Variants in RABGAP1L observed in about 807,000 individuals in gnomAD.
RABGAP1L encodes rab GTPase-activating protein 1-like.
RABGAP1L carries 63 observed loss-of-function variants against 137.7 expected under a neutral mutation model. That is an observed-to-expected ratio of 0.46 (90% CI 0.37 to 0.56). RABGAP1L has a LOEUF of 0.56. Among genes scored for constraint, RABGAP1L ranks in the 20% least tolerant of loss-of-function variants. The pLI, the probability that RABGAP1L is intolerant of heterozygous loss-of-function variation, is 0.00. For synonymous variants in RABGAP1L, 431 were observed against 433.7 expected (o/e 0.99, Z 0.08); for missense variants, 1,095 against 1,244.0 (o/e 0.88, Z 1.80).
At chr1:174,899,716 A>T (rs1340198275) in intron 19 of RABGAP1L, among the ~76,000 whole-genome samples, 1 of 152,190 alleles carries the variant, frequency 6.6e-6, no homozygotes, top group Non-Finnish European at 1.5e-5. Flanking sequence ...TGGAGAAGGC[A>T]TTCTAATGAC....
At chr1:174,696,956 C>T (rs1679304916) in intron 15 of RABGAP1L, among the ~76,000 whole-genome samples, 1 of 152,152 alleles carries the variant, frequency 6.6e-6, no homozygotes, top group Admixed American at 6.5e-5. Flanking sequence ...TCTAGCTCTG[C>T]CTCCTCCAAA....
In RABGAP1L at chr1:174,869,974, G is replaced by A. The variant is rs537411959; in HGVS notation, c.2340+58014G>A. Among the ~76,000 whole-genome samples, 17 of 152,216 alleles carry A rather than the reference G, an allele frequency of 1.1e-4. No homozygotes were observed. In the South Asian group the frequency reaches 1.5e-3, roughly 13 times the overall value. ...TTGTGTATAAGTTATCCAGTCTATGGTATTTTATTCTAGTAGCAGCCCAAA... is the reference window on the plus strand; with the variant it reads ...TTGTGTATAAGTTATCCAGTCTATGATATTTTATTCTAGTAGCAGCCCAAA... On this transcript the variant is annotated intron_variant, in intron 19 of 25. Coordinates refer to ENST00000681986, the MANE Select transcript of RABGAP1L (RefSeq NM_001366446.1).
intron 13 of RABGAP1L, among the ~76,000 whole-genome samples, chr1:174,609,958 G>C (rs1394993688): frequency 6.7e-6 from 1 of 150,080 alleles, no homozygotes; most frequent in Non-Finnish European, 1.5e-5. Flanking sequence ...ATTTTGTTTT[G>C]TTCATAGTTT....
intron 13 of RABGAP1L, among the ~76,000 whole-genome samples, chr1:174,415,931 A>G: frequency 6.6e-6 from 1 of 151,346 alleles, no homozygotes; most frequent in Non-Finnish European, 1.5e-5. Flanking sequence ...ATTGATCTTT[A>G]TTTTATACTA....
chr1:174,714,377 C>A (rs558820703), intron 17 of RABGAP1L, among the ~76,000 whole-genome samples: 3 of 152,090 alleles, frequency 2.0e-5, no homozygotes, highest in Non-Finnish European at 4.4e-5. Flanking sequence ...ATTTCCCCCA[C>A]CAGATTATAA....
At chr1:174,486,939 CA>C (rs984336659) in intron 13 of RABGAP1L, among the ~76,000 whole-genome samples, 2 of 152,040 alleles carry the variant, frequency 1.3e-5, no homozygotes, top group South Asian at 2.1e-4. Flanking sequence ...ATATAGTATT[CA>C]AAATTCCTTG....
chr1:174,752,350 TA>T lies in RABGAP1L; in HGVS notation c.2210del (p.Lys737ArgfsTer16). The T allele has an allele frequency of 6.3e-7, 1 of 1,578,162 alleles. No homozygotes were observed. The highest frequency in any genetic ancestry group is 8.6e-7 in the Non-Finnish European group (1 of 1,159,744). ...ATCTTTCATGTAGCTTTGGCTCTCC[TA>T]AAGGTAAGTCTTTTTTTTAATCTTA... ...NIIFHVALAL[L>X]KTSKEDLLQA... is the part of the protein sequence containing the mutation. On this transcript the variant is annotated frameshift_variant, in exon 18 of 26. Transcript: ENST00000681986. LOFTEE classifies it high-confidence loss of function.
chr1:174,480,628 G>A (rs762812617), intron 13 of RABGAP1L, among the ~76,000 whole-genome samples: 3 of 152,140 alleles, frequency 2.0e-5, no homozygotes, highest in Admixed American at 6.5e-5. Context: ...TCTTGCCCTT[G>A]GAGATTTAAA....
At chr1:174,753,464 A>G (rs1558046300) in intron 18 of RABGAP1L, among the ~76,000 whole-genome samples, 2 of 152,162 alleles carry the variant, frequency 1.3e-5, no homozygotes, top group Non-Finnish European at 2.9e-5. Flanking sequence ...GTGGATTTCT[A>G]TTCCTCATCT....
intron 13 of RABGAP1L, among the ~76,000 whole-genome samples, chr1:174,511,674 G>A (rs1286250470): frequency 6.6e-6 from 1 of 150,986 alleles, no homozygotes; most frequent in Non-Finnish European, 1.5e-5. Context: ...CCAGGCTGGA[G>A]CGCAATGGCG....
intron 20 of RABGAP1L, among the ~76,000 whole-genome samples, chr1:174,960,016 G>T (rs555725861): frequency 6.6e-6 from 1 of 152,166 alleles, no homozygotes; most frequent in African/African-American, 2.4e-5. Flanking sequence ...CCCAGTTAAT[G>T]TAAACTCTTA....
chr1:174,458,732 C>T (rs1656324209), intron 13 of RABGAP1L, among the ~76,000 whole-genome samples: 2 of 151,976 alleles, frequency 1.3e-5, no homozygotes, highest in African/African-American at 4.8e-5. Context: ...ATAACATAAT[C>T]GTATTTTACC....
chr1:174,925,383 CA>C, intron 19 of RABGAP1L, among the ~76,000 whole-genome samples: 1 of 135,024 alleles, frequency 7.4e-6, no homozygotes, highest in Admixed American at 7.4e-5. Flanking sequence ...AAAAAAACAG[CA>C]AAAAACAACA....
intron 19 of RABGAP1L, among the ~76,000 whole-genome samples, chr1:174,832,539 G>C (rs1692220436): frequency 6.8e-6 from 1 of 147,956 alleles, no homozygotes. Context: ...TCCCCACAGA[G>C]AGTTGGTGAT....
intron 14 of RABGAP1L, among the ~76,000 whole-genome samples, chr1:174,643,107 T>TA (rs1434087218): frequency 3.3e-5 from 5 of 152,048 alleles, no homozygotes; most frequent in Non-Finnish European, 7.4e-5. Context: ...ATTCTTTACA[T>TA]AGCACTGACT....
At chr1:174,539,976 A>T (rs1295786410) in intron 13 of RABGAP1L, among the ~76,000 whole-genome samples, 1 of 152,190 alleles carries the variant, frequency 6.6e-6, no homozygotes, top group Non-Finnish European at 1.5e-5. Flanking sequence ...CTTTTTAATG[A>T]TCGCCATTCT....
intron 1 of RABGAP1L, among the ~76,000 whole-genome samples, chr1:174,204,921 G>A (rs1310804637): frequency 1.3e-5 from 2 of 152,138 alleles, no homozygotes; most frequent in Non-Finnish European, 2.9e-5. Context: ...AGGCCTACCA[G>A]CCATGCTTTC....
intron 13 of RABGAP1L, among the ~76,000 whole-genome samples, chr1:174,413,831 A>G (rs1650224799): frequency 6.6e-6 from 1 of 152,104 alleles, no homozygotes; most frequent in African/African-American, 2.4e-5. Flanking sequence ...AGTTGGGTAT[A>G]TACTTGATTC....
intron 13 of RABGAP1L, among the ~76,000 whole-genome samples, chr1:174,598,388 G>A (rs2148158731): frequency 6.6e-6 from 1 of 150,526 alleles, no homozygotes; most frequent in Admixed American, 6.6e-5. Flanking sequence ...AGAAGCATAT[G>A]TATTCTGCAG....
Sources: gnomAD v4.1 joint callset for allele counts (sites outside exome capture counted in the v4.1 genomes callset) on GRCh38, gnomAD v4.1.1 for gene constraint, MANE v1.5 for transcripts, NCBI Gene and HGNC (gene_info 2026-07-23, HGNC 2026-07-21) for gene names.